The following MIGA2 variants were observed in gnomAD, a reference collection of about 807,000 sequenced individuals.
The protein encoded by MIGA2 is family with sequence similarity 73, member B.
MIGA2 carries 36 observed loss-of-function variants against 69.9 expected under a neutral mutation model. The observed-to-expected ratio is 0.52, with a 90% CI of 0.39 to 0.68. MIGA2 has a LOEUF of 0.68. MIGA2 is among the 30% of genes least tolerant of loss of function. MIGA2 has a pLI of 0.00. For missense variants in MIGA2, 660 were observed against 787.7 expected, an observed-to-expected ratio of 0.84 and a Z score of 1.94; for synonymous variants, 333 against 349.2, an observed-to-expected ratio of 0.95 and a Z score of 0.52.
intron 6 of MIGA2, among the ~76,000 whole-genome samples, chr9:129,053,190 C>T (rs545364231): frequency 3.9e-5 from 6 of 152,110 alleles, no homozygotes; most frequent in Admixed American, 6.6e-5. Context: ...TCTGTGGGGG[C>T]GCCAGCACCA....
intron 15 of MIGA2, 115 bp downstream of exon 15, chr9:129,070,080 C>A: frequency 8.1e-7 from 1 of 1,229,152 alleles, no homozygotes; most frequent in Non-Finnish European, 1.2e-6. Flanking sequence ...AGAGAGAGGG[C>A]AGAGCCAGAC....
chr9:129,050,122 C>T (rs755172516), intron 6 of MIGA2, among the ~76,000 whole-genome samples, 159 bp downstream of exon 6: 12 of 152,244 alleles, frequency 7.9e-5, no homozygotes, highest in Non-Finnish European at 1.3e-4. Context: ...ATTCATGTCA[C>T]GTGCTCAGCA....
chr9:129,050,203 T>G (rs1845447627), intron 6 of MIGA2, among the ~76,000 whole-genome samples: 1 of 152,190 alleles, frequency 6.6e-6, no homozygotes, highest in Non-Finnish European at 1.5e-5. Flanking sequence ...AAGGGCAACG[T>G]GTGGTCCTGA....
At position 129,068,166 on chromosome 9, in the gene MIGA2, A is replaced by G. The variant is rs1283391828; in HGVS notation, c.1270-32A>G. On this transcript the variant is annotated intron_variant, in intron 12 of 15. Coordinates refer to ENST00000684074, the MANE Select transcript of MIGA2 (RefSeq NM_001329990.2). This position sits in a 1 kb window ranked among gnomAD's most constrained non-coding sequence, Gnocchi z 4.1. ...GCCCCGAGGCTCCGGCAGTGCCCCC[A>G]TGCATGAGCCTCCCGGGGGCACCCT... 6.2e-7 allele frequency: 1 copy of G among 1,613,430 alleles called. No individual in the cohort carries two copies. The highest frequency in any genetic ancestry group is 8.5e-7 in the Non-Finnish European group (1 of 1,179,938).
At chr9:129,047,149 G>C in intron 3 of MIGA2, 1 of 151,348 alleles carries the variant, frequency 6.6e-6, no homozygotes, top group East Asian at 1.9e-4. Context: ...GCGCAATCTT[G>C]GCTCACTGCA....
chr9:129,066,670 A>G (rs569557600), intron 11 of MIGA2, among the ~76,000 whole-genome samples: 2 of 145,362 alleles, frequency 1.4e-5, no homozygotes, highest in African/African-American at 5.1e-5. Context: ...AAAAAAAAAA[A>G]AAAGAAAGGC....
chr9:129,068,135 A>G lies in MIGA2; in HGVS notation c.1270-63A>G, dbSNP rs756584771. On this transcript the variant is annotated intron_variant, in intron 12 of 15. Transcript: ENST00000684074. This position sits in a 1 kb window ranked among gnomAD's most constrained non-coding sequence, Gnocchi z 4.1. ...CCCCAGCTTCAGTCTCCCCATCTGG[A>G]AAGTGGCCCCGAGGCTCCGGCAGTG... 1.2e-6 allele frequency: 2 copies of G among 1,611,354 alleles called. No homozygotes were observed. The highest frequency in any genetic ancestry group is 1.7e-6 in the Non-Finnish European group (2 of 1,178,580).
Position 129,068,906 on chromosome 9 carries a change from C to T in MIGA2, c.1405-170C>T. 2.8e-6 allele frequency: 2 copies of T among 723,512 alleles called. No homozygotes were observed. The highest frequency in any genetic ancestry group is 1.6e-5 in the South Asian group (1 of 61,186). 44.8% of individuals were successfully genotyped at this position (723,512 alleles called of 1,614,324 possible). A position where few individuals can be genotyped will look rare whatever the true frequency, so the allele number is the denominator to read the frequency against. On this transcript the variant is annotated intron_variant, in intron 13 of 15. Transcript: ENST00000684074. The surrounding 1 kb of genome is among the most constrained non-coding windows in gnomAD (Gnocchi z 4.1). Reference sequence around the variant, plus strand: ...AGTCAAGATTCAAGTTTAGGTATGTCTGAGTCCAAAATCAGAGGAGGAAGC... The same window carrying T: ...AGTCAAGATTCAAGTTTAGGTATGTTTGAGTCCAAAATCAGAGGAGGAAGC...
intron 6 of MIGA2, among the ~76,000 whole-genome samples, chr9:129,052,306 A>G (rs1845589805): frequency 6.7e-6 from 1 of 149,324 alleles, no homozygotes; most frequent in Non-Finnish European, 1.5e-5. Context: ...TATTTTTAGT[A>G]GAGATGGGGT....
In MIGA2 at chr9:129,061,409, G is replaced by T. The variant is rs1293064511; in HGVS notation, c.1010+63G>T. ...GGCGATGGGTGATTCTGGCCCTTGC[G>T]GGAGGCGGAGAAGCCAGCGGTGCTT... On this transcript the variant is annotated intron_variant, in intron 9 of 15. Coordinates refer to ENST00000684074, the MANE Select transcript of MIGA2 (RefSeq NM_001329990.2). The surrounding 1 kb of genome is among the most constrained non-coding windows in gnomAD (Gnocchi z 5.0). 6.9e-7 allele frequency: 1 copy of T among 1,453,046 alleles called. No homozygotes were observed. The highest frequency in any genetic ancestry group is 1.2e-5 in the South Asian group (1 of 80,838). The allele number at this position is 1,453,046 out of a possible 1,614,324, so 90.0% of individuals were successfully genotyped here. A position where few individuals can be genotyped will look rare whatever the true frequency, so the allele number is the denominator to read the frequency against.
chr9:129,054,885 ATAAT>A (rs1845715121), intron 6 of MIGA2, among the ~76,000 whole-genome samples: 1 of 152,050 alleles, frequency 6.6e-6, no homozygotes, highest in Non-Finnish European at 1.5e-5. Flanking sequence ...GGATCACATG[ATAAT>A]TCCATGTTTA....
intron 9 of MIGA2, among the ~76,000 whole-genome samples, chr9:129,062,302 G>C (rs572728010): frequency 6.6e-6 from 1 of 151,602 alleles, no homozygotes; most frequent in Non-Finnish European, 1.5e-5. Flanking sequence ...AGGCCAAGGC[G>C]GGCAGATCAC....
At position 129,069,652 on chromosome 9, in the gene MIGA2, C is replaced by CA. The variant is rs1846561557; in HGVS notation, c.1459-196dup. On this transcript the variant is annotated intron_variant, in intron 14 of 15. Coordinates refer to ENST00000684074, the MANE Select transcript of MIGA2 (RefSeq NM_001329990.2). This position sits in a 1 kb window ranked among gnomAD's most constrained non-coding sequence, Gnocchi z 4.9. The stretch of plus-strand genomic sequence containing the variant: ...CTATGGCCCCACCTCTTGCAGTACT[C>CA]ACAGCGGCCCATGGTTACCCTGTCT... 2 of 611,518 alleles carry CA rather than the reference C, an allele frequency of 3.3e-6. No individual in the cohort carries two copies. Among genetic ancestry groups the CA allele is most frequent in the Admixed American group, 2.6e-5 (1 of 38,744 alleles). The allele number at this position is 611,518 out of a possible 1,614,324, so 37.9% of individuals were successfully genotyped here. A position where few individuals can be genotyped will look rare whatever the true frequency, so the allele number is the denominator to read the frequency against.
In MIGA2 at chr9:129,070,473, G is replaced by A. The variant is rs757711490; in HGVS notation, c.*20G>A. The A allele has an allele frequency of 6.6e-7, 1 of 1,512,392 alleles. No homozygotes were observed. The highest frequency in any genetic ancestry group is 8.9e-7 in the Non-Finnish European group (1 of 1,128,308). 93.7% of individuals were successfully genotyped at this position (1,512,392 alleles called of 1,614,324 possible). A position where few individuals can be genotyped will look rare whatever the true frequency, so the allele number is the denominator to read the frequency against. On this transcript the variant is annotated 3_prime_UTR_variant, in exon 16 of 16. Coordinates refer to ENST00000684074, the MANE Select transcript of MIGA2 (RefSeq NM_001329990.2). ...CAGTAGAGGCGGCACGGGCTGGGGG[G>A]TGGCAGAGAGAAGGCTCCTCCTCCC... is the stretch of plus-strand genomic sequence containing the variant.
Position 129,068,425 on chromosome 9 carries a change from A to G in MIGA2, c.1404+93A>G. 1 of 1,531,998 alleles carries G rather than the reference A, an allele frequency of 6.5e-7. No individual in the cohort carries two copies. The highest frequency in any genetic ancestry group is 8.8e-7 in the Non-Finnish European group (1 of 1,135,798). 94.9% of individuals were successfully genotyped at this position (1,531,998 alleles called of 1,614,324 possible). ...CCCCTCTGTCCCTAGCACTGGCACC[A>G]GGGCTGGGCCCCCACCCCCTAGATC... On this transcript the variant is annotated intron_variant, in intron 13 of 15. Transcript: ENST00000684074. The surrounding 1 kb of genome is among the most constrained non-coding windows in gnomAD (Gnocchi z 4.1).
chr9:129,041,488 C>T (rs763055210), intron 2 of MIGA2, among the ~76,000 whole-genome samples: 8 of 151,686 alleles, frequency 5.3e-5, no homozygotes, highest in African/African-American at 1.5e-4. Flanking sequence ...GGTAAGACTC[C>T]GTCTCAAAAA....
chr9:129,043,975 C>T (rs563857922), intron 3 of MIGA2, among the ~76,000 whole-genome samples: 1 of 150,376 alleles, frequency 6.6e-6, no homozygotes, highest in South Asian at 2.1e-4. Context: ...GCTGGGATTA[C>T]AGGCATGAGC....
At position 129,069,453 on chromosome 9, in the gene MIGA2, G is replaced by C. The variant is rs1284029578; in HGVS notation, c.1458+324G>C. On this transcript the variant is annotated intron_variant, in intron 14 of 15. Coordinates refer to ENST00000684074, the MANE Select transcript of MIGA2 (RefSeq NM_001329990.2). The surrounding 1 kb of genome is among the most constrained non-coding windows in gnomAD (Gnocchi z 4.9). ...GATACCCAGGAGCAAGCAGAGCCCT[G>C]TCCCTCCTGCCCTTTCCCCGCCCCA... 1.9e-6 allele frequency: 1 copy of C among 531,180 alleles called. No individual in the cohort carries two copies. Among genetic ancestry groups the C allele is most frequent in the Non-Finnish European group, 3.4e-6 (1 of 294,108 alleles). 32.9% of individuals were successfully genotyped at this position (531,180 alleles called of 1,614,324 possible).
chr9:129,057,406 G>T (rs1845852325), intron 6 of MIGA2, among the ~76,000 whole-genome samples: 1 of 150,608 alleles, frequency 6.6e-6, no homozygotes, highest in Non-Finnish European at 1.5e-5. Context: ...CCATCCTCCT[G>T]TCTCAGCCTC....
Sources: gnomAD v4.1 joint callset for allele counts (sites outside exome capture counted in the v4.1 genomes callset) on GRCh38, gnomAD v4.1.1 for gene constraint, Gnocchi (gnomAD v3.1) non-coding constraint, MANE v1.5 for transcripts, NCBI Gene and HGNC (gene_info 2026-07-23, HGNC 2026-07-21) for gene names.